Variants in COL19A1 observed in about 807,000 individuals in gnomAD.
The protein encoded by COL19A1 is collagen type XIX alpha 1 chain, also known as collagen alpha-1(XIX) chain.
A neutral mutation model predicts 190.2 loss-of-function variants in COL19A1; 159 were observed. The ratio of observed to expected loss-of-function variants is 0.84; its 90% CI spans 0.73 to 0.95. COL19A1 has a LOEUF of 0.95. Ranked by LOEUF, COL19A1 falls within the 40% of genes least tolerant of loss-of-function variation. The pLI, the probability that COL19A1 is intolerant of heterozygous loss-of-function variation, is 0.00. For synonymous variants in COL19A1, 509 were observed against 458.9 expected, an observed-to-expected ratio of 1.11 and a Z score of -1.39; for missense variants, 1,418 against 1,431.9, an observed-to-expected ratio of 0.99 and a Z score of 0.16.
In COL19A1 at chr6:69,972,282, C is replaced by T. The variant is rs374431467; in HGVS notation, c.1026+9412C>T. 9.2e-5 allele frequency among the ~76,000 whole-genome samples: 14 copies of T among 152,320 alleles called. No individual in the cohort carries two copies. The East Asian group carries it at 2.1e-3, about 23-fold the overall frequency. On this transcript the variant is annotated intron_variant, in intron 11 of 50. Coordinates refer to ENST00000620364, the MANE Select transcript of COL19A1 (RefSeq NM_001858.6). Reference sequence around the variant, plus strand: ...TTCTCATTGTACCTTTAGCACTATACTGCACCTGTATAGCATTTACCACAA... The same window carrying T: ...TTCTCATTGTACCTTTAGCACTATATTGCACCTGTATAGCATTTACCACAA...
chr6:69,945,107 G>A (rs978313711), intron 9 of COL19A1, among the ~76,000 whole-genome samples: 4 of 151,840 alleles, frequency 2.6e-5, no homozygotes, highest in Admixed American at 2.6e-4. Flanking sequence ...CAATTTTAAT[G>A]TTCTTGAACC....
chr6:69,884,451 G>A (rs1472229833), intron 2 of COL19A1, among the ~76,000 whole-genome samples: 1 of 152,148 alleles, frequency 6.6e-6, no homozygotes, highest in African/African-American at 2.4e-5. Flanking sequence ...CAAACCAGTA[G>A]GATAAAACAG....
intron 11 of COL19A1, among the ~76,000 whole-genome samples, chr6:70,017,450 C>T (rs556050416): frequency 6.6e-6 from 1 of 152,158 alleles, no homozygotes; most frequent in East Asian, 1.9e-4. Flanking sequence ...TTGCACCCTA[C>T]ATGTACAGTG....
At chr6:70,184,190 C>T (rs1308803406) in intron 44 of COL19A1, among the ~76,000 whole-genome samples, 2 of 152,134 alleles carry the variant, frequency 1.3e-5, no homozygotes, top group Admixed American at 1.3e-4. Context: ...TAGGATCATG[C>T]TCTGGCCATG....
chr6:69,966,202 C>A (rs1036208057), intron 11 of COL19A1, among the ~76,000 whole-genome samples: 1 of 151,696 alleles, frequency 6.6e-6, no homozygotes, highest in African/African-American at 2.4e-5. Context: ...TGGGGGGCAC[C>A]TCTGCCCGGC....
At chr6:70,200,041 C>G (rs1021532721) in intron 49 of COL19A1, 1 of 196,200 alleles carries the variant, frequency 5.1e-6, no homozygotes, top group Non-Finnish European at 1.1e-5. Context: ...GCTTATATAT[C>G]ATTATTATCT....
intron 44 of COL19A1, among the ~76,000 whole-genome samples, chr6:70,181,308 A>G (rs978096912): frequency 6.6e-6 from 1 of 152,156 alleles, no homozygotes; most frequent in Non-Finnish European, 1.5e-5. Flanking sequence ...TCCTCAGAGA[A>G]GACATGAAAA....
chr6:69,927,017 G>GCAAAACTATCCTT (rs1772443965), intron 4 of COL19A1, among the ~76,000 whole-genome samples: 1 of 151,938 alleles, frequency 6.6e-6, no homozygotes, highest in South Asian at 2.1e-4. Context: ...TCTATATCCA[G>GCAAAACTATCCTT]CAAAACTATC....
chr6:69,896,783 T>A (rs1415640331), intron 2 of COL19A1, among the ~76,000 whole-genome samples: 1 of 152,218 alleles, frequency 6.6e-6, no homozygotes, highest in Admixed American at 6.5e-5. Flanking sequence ...CATTTGGATA[T>A]TCTCTTTTTT....
chr6:70,166,478 G>T (rs1765167144), intron 37 of COL19A1, among the ~76,000 whole-genome samples: 1 of 152,216 alleles, frequency 6.6e-6, no homozygotes, highest in Non-Finnish European at 1.5e-5. Flanking sequence ...TTTCATTATT[G>T]TGATTGAGAC....
chr6:69,941,897 C>T (rs1773491548), intron 9 of COL19A1, among the ~76,000 whole-genome samples: 1 of 152,226 alleles, frequency 6.6e-6, no homozygotes, highest in South Asian at 2.1e-4. Context: ...ACCATGTTGA[C>T]CAGGCTGGTC....
chr6:70,028,541 G>T (rs1256594035), intron 12 of COL19A1, among the ~76,000 whole-genome samples: 1 of 152,088 alleles, frequency 6.6e-6, no homozygotes, highest in Non-Finnish European at 1.5e-5. Context: ...CCTAGGAAGG[G>T]GGTTTTAAGA....
intron 14 of COL19A1, among the ~76,000 whole-genome samples, chr6:70,057,739 G>A (rs3805999): frequency 6.6e-6 from 1 of 152,174 alleles, no homozygotes; most frequent in East Asian, 1.9e-4. Context: ...TGCCACATAA[G>A]AAGTAAAAAT....
intron 1 of COL19A1, among the ~76,000 whole-genome samples, chr6:69,875,812 C>T (rs1768096851): frequency 2.0e-5 from 3 of 152,220 alleles, no homozygotes; most frequent in African/African-American, 7.2e-5. Context: ...CAGCTGGACA[C>T]ACAGTCTAAA....
chr6:69,874,885 A>C (rs1165040685), intron 1 of COL19A1, among the ~76,000 whole-genome samples: 2 of 152,266 alleles, frequency 1.3e-5, no homozygotes, highest in Non-Finnish European at 2.9e-5. Flanking sequence ...TTCCAAAATA[A>C]GTATATTTCA....
chr6:69,957,944 C>T (rs1241167386), intron 9 of COL19A1, among the ~76,000 whole-genome samples: 1 of 152,110 alleles, frequency 6.6e-6, no homozygotes, highest in Non-Finnish European at 1.5e-5. Context: ...ATCGTTGAGT[C>T]TAGAATTATG....
At position 70,010,579 on chromosome 6, in the gene COL19A1, G is replaced by C. The variant is rs527293989; in HGVS notation, c.1027-13048G>C. The stretch of plus-strand genomic sequence containing the variant: ...CAAGGGGTCAGGGAGTTCCCTTTCC[G>C]AGTCAAAGAAAGGGGTGACGGACGC... On this transcript the variant is annotated intron_variant, in intron 11 of 50. Transcript: ENST00000620364. Among the ~76,000 whole-genome samples the C allele has an allele frequency of 2.1e-5, 3 of 141,462 alleles. 1 individual carries two copies. Among genetic ancestry groups the C allele is most frequent in the South Asian group, 2.3e-4 (1 of 4,436 alleles). The allele number at this position is 141,462 out of a possible 152,430, so 92.8% of individuals were successfully genotyped here.
At chr6:70,077,441 A>G (rs1781945948) in intron 15 of COL19A1, among the ~76,000 whole-genome samples, 1 of 152,122 alleles carries the variant, frequency 6.6e-6, no homozygotes. Flanking sequence ...TTTCCTCAAA[A>G]CCAGTAAACT....
In COL19A1 at chr6:70,207,311, C is replaced by G. The variant is rs1403039468; in HGVS notation, c.*37C>G. ...GAAGACTTGGTTCCTGGTAACATTT[C>G]CTTGCCACTGGAGCTCTCTTAATAC... On this transcript the variant is annotated 3_prime_UTR_variant, in exon 51 of 51. Coordinates refer to ENST00000620364, the MANE Select transcript of COL19A1 (RefSeq NM_001858.6). The G allele has an allele frequency of 6.3e-7, 1 of 1,582,946 alleles. No homozygotes were observed. The highest frequency in any genetic ancestry group is 1.1e-5 in the South Asian group (1 of 89,744).
Sources: gnomAD v4.1 joint callset for allele counts (sites outside exome capture counted in the v4.1 genomes callset) on GRCh38, gnomAD v4.1.1 for gene constraint, MANE v1.5 for transcripts, NCBI Gene and HGNC (gene_info 2026-07-23, HGNC 2026-07-21) for gene names.